The following CDYL variants were observed in gnomAD, a reference collection of about 807,000 sequenced individuals.
CDYL encodes the protein chromodomain Y like, also known as chromodomain Y-like protein.
In CDYL, 8 loss-of-function variants were observed where a neutral mutation model predicts 47.3. The observed-to-expected ratio is 0.17, with a 90% CI of 0.10 to 0.31. The LOEUF (loss-of-function observed/expected upper bound fraction) is 0.31. Among genes scored for constraint, CDYL ranks in the 10% least tolerant of loss-of-function variants. The probability of loss-of-function intolerance (pLI) is 1.00; values close to 1 mark genes in which losing one functional copy is unlikely to be tolerated. For synonymous variants in CDYL, 266 were observed against 265.0 expected, an observed-to-expected ratio of 1.00 and a Z score of -0.04; for missense variants, 471 against 701.4, an observed-to-expected ratio of 0.67 and a Z score of 3.71.
At chr6:4,835,236 C>T (rs1212767450) in intron 1 of CDYL, among the ~76,000 whole-genome samples, 1 of 152,152 alleles carries the variant, frequency 6.6e-6, no homozygotes, top group Non-Finnish European at 1.5e-5. Flanking sequence ...TGGTGATATA[C>T]AGATGGGTTT....
chr6:4,846,202 T>C (rs71555872), intron 1 of CDYL, among the ~76,000 whole-genome samples: 1 of 144,076 alleles, frequency 6.9e-6, no homozygotes, highest in East Asian at 2.0e-4. Context: ...AAAAAAAAGG[T>C]GGATATGGCT....
In CDYL at chr6:4,728,165, C is replaced by G. The variant is rs182829531; in HGVS notation, c.104-6597C>G. 1.6e-3 allele frequency among the ~76,000 whole-genome samples: 247 copies of G among 152,308 alleles called. 1 individual carries two copies. Among genetic ancestry groups the G allele is most frequent in the Non-Finnish European group, 3.1e-3 (212 of 68,030 alleles). Reference sequence around the variant, plus strand: ...TTATCACTCCGCTCCCATGAAATGACTGGGACTGTTACTTCTTTTATCTCT... The same window carrying G: ...TTATCACTCCGCTCCCATGAAATGAGTGGGACTGTTACTTCTTTTATCTCT... On this transcript the variant is annotated intron_variant, in intron 2 of 8. Transcript: ENST00000328908.
chr6:4,763,788 C>A (rs1226359698), intron 3 of CDYL, among the ~76,000 whole-genome samples: 3 of 152,060 alleles, frequency 2.0e-5, no homozygotes, highest in African/African-American at 4.8e-5. Flanking sequence ...ACTAAAAATA[C>A]AAAAATTAGC....
At chr6:4,879,157 C>T (rs1036906316) in intron 1 of CDYL, among the ~76,000 whole-genome samples, 1 of 152,290 alleles carries the variant, frequency 6.6e-6, no homozygotes, top group African/African-American at 2.4e-5. Context: ...TTTAAAGATA[C>T]ATTCGACAGT....
chr6:4,856,425 GAC>G (rs1364018252), intron 1 of CDYL, among the ~76,000 whole-genome samples: 1 of 152,192 alleles, frequency 6.6e-6, no homozygotes, highest in Non-Finnish European at 1.5e-5. Flanking sequence ...CCCTGAATGA[GAC>G]AGAGCCCAGT....
At chr6:4,731,732 GAGGTTGCAGTGAGCCGAGATGC>G (rs996787003) in intron 2 of CDYL, among the ~76,000 whole-genome samples, 4 of 152,074 alleles carry the variant, frequency 2.6e-5, no homozygotes, top group African/African-American at 7.2e-5. Flanking sequence ...CCCAGAGGCA[GAGGTTGCAGTGAGCCGAGATGC>G]AGGTTGCAGT....
chr6:4,947,243 G>C (rs748247464), intron 5 of CDYL, among the ~76,000 whole-genome samples: 13 of 152,214 alleles, frequency 8.5e-5, no homozygotes, highest in Non-Finnish European at 1.9e-4. Context: ...TTCTAGCAAG[G>C]GGGGCTTACG....
At chr6:4,816,293 A>G (rs1759674673) in intron 1 of CDYL, among the ~76,000 whole-genome samples, 1 of 149,390 alleles carries the variant, frequency 6.7e-6, no homozygotes, top group African/African-American at 2.5e-5. Context: ...ATTTTTGTGT[A>G]TGTAGGTTGA....
Position 4,891,614 on chromosome 6 carries a change from A to C in CDYL, c.25-99A>C, listed in dbSNP as rs191010381. Reference sequence around the variant, plus strand: ...TGCAGAAGAGATCATTTTATCATCTATTGTGGTTTTTGCTATTTTTGATGT... The same window carrying C: ...TGCAGAAGAGATCATTTTATCATCTCTTGTGGTTTTTGCTATTTTTGATGT... On this transcript the variant is annotated intron_variant, in intron 1 of 6. Transcript: ENST00000397588. The C allele has an allele frequency of 1.1e-5, 10 of 869,668 alleles. No homozygotes were observed. In the Admixed American group the frequency reaches 1.4e-4, roughly 12 times the overall value. 53.9% of individuals were successfully genotyped at this position (869,668 alleles called of 1,614,324 possible). A position where few individuals can be genotyped will look rare whatever the true frequency, so the allele number is the denominator to read the frequency against.
In CDYL at chr6:4,713,407, A is replaced by C. The variant is rs561543183; in HGVS notation, c.-38-2334A>C. On this transcript the variant is annotated intron_variant, in intron 1 of 8. Coordinates refer to the CDYL transcript ENST00000328908. The stretch of plus-strand genomic sequence containing the variant: ...TGGGAAATTTCCAGATGCTAAGAGA[A>C]GGCCGCTCTGCTCTTTGTCAGGGCT... 5.9e-5 allele frequency among the ~76,000 whole-genome samples: 9 copies of C among 152,242 alleles called. 1 individual carries two copies. The South Asian group carries it at 1.9e-3, about 32-fold the overall frequency.
chr6:4,791,140 G>T (rs1758905471), intron 1 of CDYL, among the ~76,000 whole-genome samples: 1 of 152,202 alleles, frequency 6.6e-6, no homozygotes. Context: ...CTCATATACA[G>T]TGGCCAGCAT....
chr6:4,756,193 T>C (rs2127421414), intron 3 of CDYL, among the ~76,000 whole-genome samples: 1 of 152,322 alleles, frequency 6.6e-6, no homozygotes, highest in Middle Eastern at 3.4e-3. Context: ...AGGCAGCAGT[T>C]GCCCTGTCCT....
At chr6:4,788,224 T>C (rs1399104549) in intron 1 of CDYL, among the ~76,000 whole-genome samples, 2 of 151,844 alleles carry the variant, frequency 1.3e-5, no homozygotes, top group African/African-American at 4.8e-5. Context: ...GTGTAGTGGC[T>C]GGCGCCTGTA....
At chr6:4,908,824 C>A (rs1346276642) in intron 2 of CDYL, among the ~76,000 whole-genome samples, 2 of 152,208 alleles carry the variant, frequency 1.3e-5, no homozygotes, top group Non-Finnish European at 2.9e-5. Flanking sequence ...AAATGCTGTG[C>A]CCCTTCATCC....
At chr6:4,953,103 G>T (rs1410750310) in intron 6 of CDYL, among the ~76,000 whole-genome samples, 1 of 151,060 alleles carries the variant, frequency 6.6e-6, no homozygotes, top group East Asian at 2.0e-4. Flanking sequence ...TGCTAAATAG[G>T]CCGGGCACAG....
chr6:4,813,115 C>T (rs951993594), intron 1 of CDYL, among the ~76,000 whole-genome samples: 1 of 152,136 alleles, frequency 6.6e-6, no homozygotes, highest in Non-Finnish European at 1.5e-5. Context: ...ATTTTGGAGT[C>T]GGCAGTCTTC....
Position 4,888,726 on chromosome 6 carries a change from C to A in CDYL, c.25-2987C>A, listed in dbSNP as rs11963878. ...GTTAGGTTATTGATTTGAGGTCTTTCTTCTTTTTAGTGTAGGTGTTCACTG... is the reference window on the plus strand; with the variant it reads ...GTTAGGTTATTGATTTGAGGTCTTTATTCTTTTTAGTGTAGGTGTTCACTG... On this transcript the variant is annotated intron_variant, in intron 1 of 6. Transcript: ENST00000397588. Among the ~76,000 whole-genome samples, 1,129 of 152,086 alleles carry A rather than the reference C, an allele frequency of 7.4e-3. 13 individuals are homozygous for A. Among genetic ancestry groups the A allele is most frequent in the African/African-American group, 0.026 (1,089 of 41,476 alleles).
chr6:4,892,668 G>A (rs1762084695), intron 2 of CDYL, among the ~76,000 whole-genome samples: 1 of 152,094 alleles, frequency 6.6e-6, no homozygotes, highest in Admixed American at 6.5e-5. Flanking sequence ...AGTTTTTACA[G>A]CAAGTTTCTG....
At chr6:4,860,409 G>T (rs1391528151) in intron 1 of CDYL, among the ~76,000 whole-genome samples, 1 of 151,304 alleles carries the variant, frequency 6.6e-6, no homozygotes, top group East Asian at 1.9e-4. Flanking sequence ...TAGCATGCAG[G>T]TGCTAGCATA....
Sources: allele counts gnomAD v4.1 joint callset (sites outside exome capture counted in the v4.1 genomes callset), GRCh38; gene constraint gnomAD v4.1.1; transcripts MANE v1.5; gene names NCBI Gene and HGNC (gene_info 2026-07-23, HGNC 2026-07-21).